GAREM2: variants seen among roughly 807,000 people sequenced by gnomAD.
GAREM2 encodes the protein GRB2-associated and regulator of MAPK protein 2.
In GAREM2, 30 loss-of-function variants were observed where a neutral mutation model predicts 55.6. That is an observed-to-expected ratio of 0.54 (90% confidence interval 0.40 to 0.73). GAREM2 has a LOEUF of 0.73. GAREM2 is among the 30% of genes least tolerant of loss of function. GAREM2 has a pLI of 0.00. For missense variants in GAREM2, 1,075 were observed against 1,257.7 expected, an observed-to-expected ratio of 0.85 and a Z score of 2.20; for synonymous variants, 550 against 569.1, an observed-to-expected ratio of 0.97 and a Z score of 0.48.
chr2:26,181,266 C>A, intron 2 of GAREM2: 1 of 416,970 alleles, frequency 2.4e-6, no homozygotes, highest in Non-Finnish European at 3.2e-6. Flanking sequence ...TCCTCCCTCT[C>A]CCTAAGTCCT....
chr2:26,183,583 G>T (rs1346530311), intron 3 of GAREM2, among the ~76,000 whole-genome samples: 1 of 152,140 alleles, frequency 6.6e-6, no homozygotes, highest in African/African-American at 2.4e-5. Context: ...AAAATTAGCT[G>T]GGCATAGTGG....
intron 2 of GAREM2, chr2:26,181,734 C>G (rs1443208231): frequency 6.6e-6 from 1 of 152,462 alleles, no homozygotes; most frequent in Non-Finnish European, 1.5e-5. Context: ...AATCCCAGCA[C>G]TTTGGGAGGC....
chr2:26,193,293 C>CTTTTTT (rs370942158), downstream of GAREM2, among the ~76,000 whole-genome samples: 19 of 115,162 alleles, frequency 1.6e-4, no homozygotes, highest in Admixed American at 4.8e-4. Context: ...CACATGACAT[C>CTTTTTT]TTTTTTTTTT....
rs1476315865 is a variant in GAREM2, at chr2:26,186,792, A to G, written c.1598+434A>G. The stretch of plus-strand genomic sequence containing the variant: ...GGAGTTCAAGACCAGCCTGGCTAAC[A>G]TGGCGAAACTCCATGTCTTCTAAAA... On this transcript the variant is annotated intron_variant, in intron 5 of 5. Transcript: ENST00000401533. 7.9e-5 allele frequency among the ~76,000 whole-genome samples: 12 copies of G among 152,300 alleles called. No homozygotes were observed. The East Asian group carries it at 2.3e-3, about 29-fold the overall frequency.
Position 26,184,499 on chromosome 2 carries a change from C to G in GAREM2, c.651C>G (p.Ile217Met), listed in dbSNP as rs1669156446. ...TCAAAGGCAAGATGCCCTGCCTCATCTGCATGAACCACCGCACCAACGAAA... is the reference window on the plus strand; with the variant it reads ...TCAAAGGCAAGATGCCCTGCCTCATGTGCATGAACCACCGCACCAACGAAA... ...RPVKGKMPCLICMNHRTNESL... is the reference protein window; with the variant it reads ...RPVKGKMPCLMCMNHRTNESL... Residue 217 changes from isoleucine to methionine, a missense_variant, in exon 4 of 6, where the codon ATC (isoleucine) becomes ATG (methionine). By Grantham distance (10) the Ile-to-Met change is conservative. Coordinates refer to ENST00000401533, the MANE Select transcript of GAREM2 (RefSeq NM_001168241.2). The G allele has an allele frequency of 1.9e-6, 3 of 1,541,520 alleles. No homozygotes were observed. The highest frequency in any genetic ancestry group is 8.7e-7 in the Non-Finnish European group (1 of 1,143,254).
At chr2:26,196,119 C>T in the GAREM2 span, among the ~76,000 whole-genome samples, 5 of 152,206 alleles carry the variant, frequency 3.3e-5, no homozygotes, top group African/African-American at 9.7e-5. Context: ...TAATCCATTA[C>T]AACCCTATGA....
At chr2:26,177,782 ACT>A (rs1166598352) in intron 2 of GAREM2, among the ~76,000 whole-genome samples, 1 of 151,132 alleles carries the variant, frequency 6.6e-6, no homozygotes, top group Non-Finnish European at 1.5e-5. Context: ...GCCTGCCACC[ACT>A]CTCTGCTAAT....
intron 1 of GAREM2, among the ~76,000 whole-genome samples, chr2:26,176,047 C>T (rs1668853636): frequency 6.6e-6 from 1 of 152,170 alleles, no homozygotes; most frequent in Admixed American, 6.5e-5. Context: ...CTGGGCTCAT[C>T]CATGGGGAGC....
Position 26,184,816 on chromosome 2 carries a change from G to C in GAREM2, c.968G>C (p.Arg323Pro). ...TTCCTGCTGCTCACGGACACGCCGC[G>C]CTTCGCGCTGCCGCAGGGCCTGCTG... ...LHFLLLTDTP[R>P]FALPQGLLAG... Residue 323 changes from arginine to proline, a missense_variant, in exon 4 of 6, where the codon CGC (arginine) becomes CCC (proline). This residue lies in a region of GAREM2 where 170 missense variants were observed against 220.7 expected (regional missense o/e 0.77). Coordinates refer to ENST00000401533, the MANE Select transcript of GAREM2 (RefSeq NM_001168241.2). 1 of 1,489,304 alleles carries C rather than the reference G, an allele frequency of 6.7e-7. No individual in the cohort carries two copies. Among genetic ancestry groups the C allele is most frequent in the Non-Finnish European group, 8.9e-7 (1 of 1,127,544 alleles). The allele number at this position is 1,489,304 out of a possible 1,614,324, so 92.3% of individuals were successfully genotyped here. A position where few individuals can be genotyped will look rare whatever the true frequency, so the allele number is the denominator to read the frequency against.
At chr2:26,191,048 C>G (rs7260), downstream of GAREM2, 96 of 644,668 alleles carry the variant, frequency 1.5e-4, no homozygotes, top group African/African-American at 1.5e-3. Context: ...TACCTTCCAA[C>G]AGGAAGTGCA....
At chr2:26,183,211 G>C in intron 3 of GAREM2, 114 bp downstream of exon 3, 1 of 1,221,310 alleles carries the variant, frequency 8.2e-7, no homozygotes, top group Non-Finnish European at 1.2e-6. Flanking sequence ...GCGGCTCCTG[G>C]GGACCCCTTA....
the GAREM2 span, among the ~76,000 whole-genome samples, chr2:26,195,981 T>C: frequency 6.6e-6 from 1 of 152,256 alleles, no homozygotes; most frequent in Non-Finnish European, 1.5e-5. Context: ...AGAAGTCTAA[T>C]TCATTAATTT....
Position 26,183,008 on chromosome 2 carries a change from C to T in GAREM2, c.295C>T (p.Pro99Ser). 1 of 1,551,702 alleles carries T rather than the reference C, an allele frequency of 6.4e-7. No individual in the cohort carries two copies. The highest frequency in any genetic ancestry group is 8.7e-7 in the Non-Finnish European group (1 of 1,146,978). The change falls in exon 3 of 6, where the codon CCA becomes TCA. Residue 99 changes from proline to serine, a missense_variant. Physicochemically the swap from Pro to Ser is moderately conservative, Grantham distance 74. This residue lies in a region of GAREM2 where 230 missense variants were observed against 310.6 expected (regional missense o/e 0.74). Coordinates refer to ENST00000401533, the MANE Select transcript of GAREM2 (RefSeq NM_001168241.2). ...GGAACAGGCCCGGGATGTGCGGGAG[C>T]CAGTGAGGTACTTCAGCAGCGTGGA... ...LLEQARDVREPVRYFSSVEEV... is the reference protein window; with the variant it reads ...LLEQARDVRESVRYFSSVEEV...
chr2:26,203,930 T>C, the GAREM2 span: 1 of 899,096 alleles, frequency 1.1e-6, no homozygotes, highest in Non-Finnish European at 1.9e-6. Context: ...CTAGAACTCA[T>C]TATGTTCAGG....
chr2:26,188,541 G>T lies in GAREM2; in HGVS notation c.*284G>T. The T allele has an allele frequency of 3.0e-6, 1 of 331,272 alleles. No homozygotes were observed. The allele number at this position is 331,272 out of a possible 1,614,324, so 20.5% of individuals were successfully genotyped here. ...AGGCATTTGCCGTGATTCCCACAACGGGGTCAAAAGCTGGCCTTCAGGGTG... is the reference window on the plus strand; with the variant it reads ...AGGCATTTGCCGTGATTCCCACAACTGGGTCAAAAGCTGGCCTTCAGGGTG... On this transcript the variant is annotated 3_prime_UTR_variant, in exon 6 of 6. Coordinates refer to ENST00000401533, the MANE Select transcript of GAREM2 (RefSeq NM_001168241.2).
chr2:26,203,089 G>A, the GAREM2 span, among the ~76,000 whole-genome samples: 3 of 152,196 alleles, frequency 2.0e-5, no homozygotes, highest in African/African-American at 7.2e-5. Context: ...CTAGTTTCAG[G>A]GCACTGCTGC....
intron 1 of GAREM2, 59 bp from the exon 2 acceptor site, chr2:26,176,285 G>A: frequency 6.9e-7 from 1 of 1,441,282 alleles, no homozygotes; most frequent in Admixed American, 2.3e-5. Flanking sequence ...TGTTCTTTCT[G>A]CCCCTTCTAA....
In GAREM2 at chr2:26,188,422, TG is replaced by T; in HGVS notation, c.*169del. On this transcript the variant is annotated 3_prime_UTR_variant, in exon 6 of 6. Transcript: ENST00000401533. Reference sequence around the variant, plus strand: ...AGATGCATGTGGAAATGTGGTCCTCTGGGGTCAGACCCCTGCACGGGACATC... The same window carrying T: ...AGATGCATGTGGAAATGTGGTCCTCTGGGTCAGACCCCTGCACGGGACATC... The T allele has an allele frequency of 1.9e-6, 1 of 524,350 alleles. No homozygotes were observed. Among genetic ancestry groups the T allele is most frequent in the Non-Finnish European group, 3.2e-6 (1 of 309,454 alleles). 32.5% of individuals were successfully genotyped at this position (524,350 alleles called of 1,614,324 possible).
chr2:26,198,783 T>C, the GAREM2 span, among the ~76,000 whole-genome samples: 3 of 151,896 alleles, frequency 2.0e-5, no homozygotes, highest in Non-Finnish European at 4.4e-5. Flanking sequence ...GCATGGTGGC[T>C]AAACAACTAT....
Sources: allele counts gnomAD v4.1 joint callset (sites outside exome capture counted in the v4.1 genomes callset), GRCh38; gene constraint gnomAD v4.1.1; regional missense constraint gnomAD v4.1.1; transcripts MANE v1.5; gene names NCBI Gene and HGNC (gene_info 2026-07-23, HGNC 2026-07-21).